ASTN2: variants seen among roughly 807,000 people sequenced by gnomAD.
ASTN2 encodes astrotactin-2.
A neutral mutation model predicts 139.8 loss-of-function variants in ASTN2; 54 were observed. That is an observed-to-expected ratio of 0.39 (90% confidence interval 0.31 to 0.48). The LOEUF (loss-of-function observed/expected upper bound fraction) is 0.48, where lower values mean the gene tolerates loss of function less well. ASTN2 is among the 20% of genes least tolerant of loss of function. The pLI is 0.95. For synonymous variants in ASTN2, 756 were observed against 719.5 expected (o/e 1.05, Z -0.81); for missense variants, 1,565 against 1,725.1 (o/e 0.91, Z 1.64).
At chr9:116,757,340 G>T (rs763135299) in intron 13 of ASTN2, among the ~76,000 whole-genome samples, 4 of 152,056 alleles carry the variant, frequency 2.6e-5, no homozygotes, top group Non-Finnish European at 5.9e-5. Flanking sequence ...TTTCTTTTTG[G>T]CATGCGTGAA....
chr9:116,516,967 C>A (rs1850677740), intron 19 of ASTN2, among the ~76,000 whole-genome samples: 2 of 152,176 alleles, frequency 1.3e-5, no homozygotes, highest in South Asian at 4.1e-4. Flanking sequence ...CAGCAAGCCC[C>A]ACACAAGGAC....
intron 3 of ASTN2, among the ~76,000 whole-genome samples, chr9:117,178,263 A>G (rs1051185143): frequency 6.6e-6 from 1 of 152,204 alleles, no homozygotes; most frequent in Non-Finnish European, 1.5e-5. Context: ...AAGCTCCACA[A>G]GGACAAGTAC....
chr9:117,016,785 TAG>T (rs1453331715), intron 6 of ASTN2, among the ~76,000 whole-genome samples: 2 of 78,936 alleles, frequency 2.5e-5, no homozygotes, highest in Admixed American at 1.4e-4. Context: ...TTTATATATA[TAG>T]GTTATATATA....
rs372687324 is a variant in ASTN2, at chr9:116,442,415, T to C, written c.3598+38A>G. The C allele has an allele frequency of 9.3e-6, 14 of 1,507,148 alleles. No homozygotes were observed. In the African/African-American group the frequency reaches 1.8e-4, roughly 19 times the overall value. The allele number at this position is 1,507,148 out of a possible 1,614,324, so 93.4% of individuals were successfully genotyped here. A position where few individuals can be genotyped will look rare whatever the true frequency, so the allele number is the denominator to read the frequency against. ...TTGGGTGCAGAACTTAGGGGAAATATGGGAGTTACTTTGGAGTTGAAAAAC... is the reference window on the plus strand; with the variant it reads ...TTGGGTGCAGAACTTAGGGGAAATACGGGAGTTACTTTGGAGTTGAAAAAC... On this transcript the variant is annotated intron_variant, in intron 21 of 22. Coordinates refer to ENST00000313400, the MANE Select transcript of ASTN2 (RefSeq NM_001365068.1).
At chr9:116,876,203 GAGGGGTTCA>G (rs569194082) in intron 10 of ASTN2, among the ~76,000 whole-genome samples, 1 of 152,154 alleles carries the variant, frequency 6.6e-6, no homozygotes, top group Non-Finnish European at 1.5e-5. Context: ...GAATGACTTT[GAGGGGTTCA>G]AGGCTTCAGT....
At chr9:116,795,880 A>G (rs180706043) in intron 13 of ASTN2, among the ~76,000 whole-genome samples, 78 of 152,298 alleles carry the variant, frequency 5.1e-4, no homozygotes, top group African/African-American at 1.8e-3. Context: ...ACCACTTTAT[A>G]GTTGAAGATC....
intron 4 of ASTN2, among the ~76,000 whole-genome samples, chr9:117,117,218 TG>T (rs1470365261): frequency 1.3e-5 from 2 of 152,060 alleles, no homozygotes; most frequent in African/African-American, 4.8e-5. Context: ...GGAAGACACA[TG>T]AAAGTTTCTA....
At chr9:116,727,975 T>A (rs1828676289) in intron 15 of ASTN2, among the ~76,000 whole-genome samples, 1 of 152,126 alleles carries the variant, frequency 6.6e-6, no homozygotes, top group South Asian at 2.1e-4. Context: ...ATTTTGCTGA[T>A]GAACAAAGAA....
intron 19 of ASTN2, among the ~76,000 whole-genome samples, chr9:116,579,419 G>A (rs764084329): frequency 1.7e-4 from 26 of 152,118 alleles, no homozygotes; most frequent in Non-Finnish European, 3.7e-4. Flanking sequence ...AGAAGGTAAC[G>A]GATACAACCA....
intron 1 of ASTN2, among the ~76,000 whole-genome samples, chr9:117,322,211 C>T (rs1321825878): frequency 6.6e-6 from 1 of 152,128 alleles, no homozygotes; most frequent in Admixed American, 6.5e-5. Flanking sequence ...TTGTACTCCC[C>T]CTTATCACAT....
chr9:117,239,569 C>T (rs1833147102), intron 2 of ASTN2, among the ~76,000 whole-genome samples: 2 of 152,162 alleles, frequency 1.3e-5, no homozygotes, highest in African/African-American at 2.4e-5. Flanking sequence ...GTGTTTACTC[C>T]TGTTTCAAGG....
chr9:116,880,195 C>T (rs937575339), intron 10 of ASTN2, among the ~76,000 whole-genome samples: 1 of 152,110 alleles, frequency 6.6e-6, no homozygotes, highest in African/African-American at 2.4e-5. Flanking sequence ...ATGTTTGTTG[C>T]CTATGTTTGT....
chr9:116,702,804 C>A (rs1044954218), intron 16 of ASTN2, among the ~76,000 whole-genome samples: 5 of 152,112 alleles, frequency 3.3e-5, no homozygotes, highest in African/African-American at 4.8e-5. Context: ...GATTTTGGAG[C>A]AATGATTCAT....
chr9:116,939,558 G>A (rs1467655459), intron 10 of ASTN2, among the ~76,000 whole-genome samples: 1 of 152,050 alleles, frequency 6.6e-6, no homozygotes, highest in Non-Finnish European at 1.5e-5. Context: ...TTAGCTGACT[G>A]TATTTTAGAC....
chr9:117,156,782 A>T lies in ASTN2; in HGVS notation c.1016-15304T>A, dbSNP rs114880648. 3.4e-3 allele frequency among the ~76,000 whole-genome samples: 511 copies of T among 152,180 alleles called. 7 individuals carry two copies. The highest frequency in any genetic ancestry group is 0.012 in the African/African-American group (498 of 41,552). On this transcript the variant is annotated intron_variant, in intron 3 of 22. Coordinates refer to ENST00000313400, the MANE Select transcript of ASTN2 (RefSeq NM_001365068.1). ...AGACCACTGACAATGCTTCAAGTCCATTATCCTGTGAATTTAAAACTTGAG... is the reference window on the plus strand; with the variant it reads ...AGACCACTGACAATGCTTCAAGTCCTTTATCCTGTGAATTTAAAACTTGAG...
At chr9:116,770,850 CA>C (rs1438531153) in intron 13 of ASTN2, among the ~76,000 whole-genome samples, 1 of 152,178 alleles carries the variant, frequency 6.6e-6, no homozygotes, top group Non-Finnish European at 1.5e-5. Flanking sequence ...GGCACCTTCA[CA>C]TGTTTTAATC....
At chr9:116,976,362 A>G (rs1836341860) in intron 8 of ASTN2, among the ~76,000 whole-genome samples, 174 bp from the exon 9 acceptor site, 1 of 152,256 alleles carries the variant, frequency 6.6e-6, no homozygotes, top group Admixed American at 6.5e-5. Flanking sequence ...AGGATTCAGC[A>G]CTTTCATAAA....
At chr9:117,373,574 G>A (rs1203140770) in intron 1 of ASTN2, among the ~76,000 whole-genome samples, 2 of 152,172 alleles carry the variant, frequency 1.3e-5, no homozygotes, top group African/African-American at 2.4e-5. Flanking sequence ...GGGGAAATGT[G>A]ATTATAGAGA....
At chr9:116,941,166 CAACTGAGG>C (rs1354894619) in intron 10 of ASTN2, among the ~76,000 whole-genome samples, 1 of 120,660 alleles carries the variant, frequency 8.3e-6, no homozygotes, top group African/African-American at 3.1e-5. Context: ...CTGCAGAAGA[CAACTGAGG>C]ATACCAGTTT....
Sources: gnomAD v4.1 joint callset for allele counts (sites outside exome capture counted in the v4.1 genomes callset) on GRCh38, gnomAD v4.1.1 for gene constraint, MANE v1.5 for transcripts, NCBI Gene and HGNC (gene_info 2026-07-23, HGNC 2026-07-21) for gene names.